TRIM34: variants seen among roughly 807,000 people sequenced by gnomAD.
The protein encoded by TRIM34 is E3 ubiquitin-protein ligase TRIM34.
A neutral mutation model predicts 38.1 loss-of-function variants in TRIM34; 41 were observed. The ratio of observed to expected loss-of-function variants is 1.08; its 90% CI spans 0.84 to 1.40. The LOEUF is 1.40. TRIM34 is among the 40% of genes most tolerant of loss of function. The pLI is 0.00. For synonymous variants in TRIM34, 200 were observed against 202.5 expected, an observed-to-expected ratio of 0.99 and a Z score of 0.10; for missense variants, 556 against 571.4, an observed-to-expected ratio of 0.97 and a Z score of 0.27.
intron 1 of TRIM34, among the ~76,000 whole-genome samples, chr11:5,632,024 C>T (rs909226452): frequency 2.0e-5 from 3 of 152,236 alleles, no homozygotes; most frequent in South Asian, 2.1e-4. Context: ...AAAGTATAAA[C>T]GAAAGTCATG....
chr11:5,636,217 C>T (rs1177867875), intron 4 of TRIM34, among the ~76,000 whole-genome samples: 1 of 152,126 alleles, frequency 6.6e-6, no homozygotes, highest in African/African-American at 2.4e-5. Context: ...ATTAATAATA[C>T]ATGCTATGAC....
intron 4 of TRIM34, among the ~76,000 whole-genome samples, chr11:5,637,171 T>TA (rs564107745): frequency 2.7e-5 from 4 of 148,930 alleles, no homozygotes; most frequent in Admixed American, 6.7e-5. Flanking sequence ...AGACTCAGTC[T>TA]AAAAAAAAAA....
upstream of TRIM34, among the ~76,000 whole-genome samples, chr11:5,622,400 A>C (rs1025457053): frequency 6.6e-6 from 1 of 151,360 alleles, no homozygotes; most frequent in Non-Finnish European, 1.5e-5. Flanking sequence ...AGCCGAGATC[A>C]CGCCACTGCA....
chr11:5,637,711 G>C (rs1416806888), intron 4 of TRIM34, among the ~76,000 whole-genome samples: 1 of 152,088 alleles, frequency 6.6e-6, no homozygotes, highest in East Asian at 1.9e-4. Flanking sequence ...ATCCCAAACT[G>C]AAACTGTACC....
chr11:5,631,196 A>G (rs1401567579), intron 1 of TRIM34, among the ~76,000 whole-genome samples: 1 of 152,146 alleles, frequency 6.6e-6, no homozygotes, highest in Non-Finnish European at 1.5e-5. Flanking sequence ...CTTCAGGCCA[A>G]GAAGAAATCC....
At position 5,627,944 on chromosome 11, in the gene TRIM34, A is replaced by G. The variant is rs541343734; in HGVS notation, c.-78+2884A>G. Reference sequence around the variant, plus strand: ...TATCATATCCAGATGTTAGGAGTCCAGATGTTAGGAGAAGACTCAAATGAA... The same window carrying G: ...TATCATATCCAGATGTTAGGAGTCCGGATGTTAGGAGAAGACTCAAATGAA... On this transcript the variant is annotated intron_variant, in intron 1 of 7. Transcript: ENST00000429814. Among the ~76,000 whole-genome samples the G allele has an allele frequency of 1.2e-3, 177 of 152,350 alleles. 3 individuals carry two copies. The South Asian group carries it at 0.035, about 30-fold the overall frequency.
chr11:5,634,837 G>A lies in TRIM34; in HGVS notation c.726G>A (p.Gln242=), dbSNP rs1849661907. Residue 242 remains glutamine (Q), a synonymous_variant, in exon 4 of 8, where the codon CAG becomes CAA. Transcript: ENST00000429814. ...TCTCAGATGTGGAGTGTCGGAGTCAGTGGTCAACAATGGAGCTGCTGCAGG... is the reference window on the plus strand; with the variant it reads ...TCTCAGATGTGGAGTGTCGGAGTCAATGGTCAACAATGGAGCTGCTGCAGG... ...ELISDVECRS[Q]WSTMELLQDM... is the part of the protein sequence containing the mutation. 1 of 1,612,946 alleles carries A rather than the reference G, an allele frequency of 6.2e-7. No homozygotes were observed. Among genetic ancestry groups the A allele is most frequent in the African/African-American group, 1.3e-5 (1 of 74,882 alleles).
rs146256757 is a variant in TRIM34 at position 5,638,947 on chromosome 11, T to C, written c.751-2220T>C. ...GTGCTTATATACATTTTAAGCTCTA[T>C]GCCTTCACGTGGGAGTGCACCTACA... On this transcript the variant is annotated intron_variant, in intron 4 of 7. Coordinates refer to ENST00000429814, the MANE Select transcript of TRIM34 (RefSeq NM_021616.6). Among the ~76,000 whole-genome samples the C allele has an allele frequency of 1.7e-3, 253 of 152,310 alleles. 3 individuals carry two copies. The highest frequency in any genetic ancestry group is 3.9e-3 in the South Asian group (19 of 4,820).
intron 5 of TRIM34, 126 bp from the exon 6 acceptor site, chr11:5,642,280 C>G: frequency 1.3e-6 from 1 of 763,256 alleles, no homozygotes; most frequent in South Asian, 2.3e-5. Context: ...TCCCTTCTCC[C>G]CCTCCTCAGG....
chr11:5,641,265 C>A, intron 5 of TRIM34, 76 bp downstream of exon 5: 1 of 1,603,528 alleles, frequency 6.2e-7, no homozygotes, highest in South Asian at 1.1e-5. Context: ...ATTTGGTGGT[C>A]AATTGGAATA....
In TRIM34 at chr11:5,643,990, C is replaced by A. The variant is rs1209399687; in HGVS notation, c.*281C>A. 3 of 506,870 alleles carry A rather than the reference C, an allele frequency of 5.9e-6. No individual in the cohort carries two copies. The highest frequency in any genetic ancestry group is 7.5e-5 in the Admixed American group (2 of 26,518). 31.4% of individuals were successfully genotyped at this position (506,870 alleles called of 1,614,324 possible). A position where few individuals can be genotyped will look rare whatever the true frequency, so the allele number is the denominator to read the frequency against. On this transcript the variant is annotated 3_prime_UTR_variant, in exon 8 of 8. Transcript: ENST00000429814. ...CATTTATCCATGTTTCACTTTATCA[C>A]TGATATGAAGAGGCCCAAAGCCTGT...
intron 4 of TRIM34, among the ~76,000 whole-genome samples, chr11:5,640,583 T>C (rs1188838125): frequency 3.9e-5 from 6 of 152,140 alleles, no homozygotes; most frequent in African/African-American, 1.2e-4. Context: ...ATAAGAGATA[T>C]TGGTCTATGG....
At position 5,643,092 on chromosome 11, in the gene TRIM34, C is replaced by T. The variant is rs1403706386; in HGVS notation, c.902-52C>T. 10 of 1,257,322 alleles carry T rather than the reference C, an allele frequency of 8.0e-6. No individual in the cohort carries two copies. The South Asian group carries it at 8.9e-5, about 11-fold the overall frequency. The allele number at this position is 1,257,322 out of a possible 1,614,324, so 77.9% of individuals were successfully genotyped here. A position where few individuals can be genotyped will look rare whatever the true frequency, so the allele number is the denominator to read the frequency against. ...ATCTGTCACCTAATCATATATATCA[C>T]ACAGATGATTATATTCATATACATA... On this transcript the variant is annotated intron_variant, in intron 7 of 7. Coordinates refer to ENST00000429814, the MANE Select transcript of TRIM34 (RefSeq NM_021616.6).
intron 1 of TRIM34, among the ~76,000 whole-genome samples, chr11:5,629,256 G>A (rs1443431423): frequency 1.3e-5 from 2 of 151,900 alleles, no homozygotes; most frequent in African/African-American, 2.4e-5. Flanking sequence ...CAGCCTGGGC[G>A]ACAGAGCGAA....
intron 1 of TRIM34, among the ~76,000 whole-genome samples, chr11:5,630,030 C>G (rs920789356): frequency 6.6e-6 from 1 of 152,054 alleles, no homozygotes; most frequent in Non-Finnish European, 1.5e-5. Context: ...TACGGTGGTA[C>G]AAGACCATGT....
chr11:5,641,089 C>T (rs7108834), intron 4 of TRIM34, 78 bp from the exon 5 acceptor site: 1,385,895 of 1,455,626 alleles, frequency 0.95, 660,596 homozygotes, highest in East Asian at 1. Context: ...CATTTTTTTT[C>T]CTACTGTTCT....
Position 5,632,287 on chromosome 11 carries a change from A to G in TRIM34, c.-45A>G. ...GGGGTCTTTAACCAGAAGAGAGAGG[A>G]GAGCCTCAGGAGTTAGGACCAGAAG... On this transcript the variant is annotated 5_prime_UTR_variant, in exon 2 of 8. Coordinates refer to ENST00000429814, the MANE Select transcript of TRIM34 (RefSeq NM_021616.6). The G allele has an allele frequency of 1.2e-6, 2 of 1,612,934 alleles. No homozygotes were observed.
chr11:5,634,717 G>A lies in TRIM34; in HGVS notation c.606G>A (p.Leu202=), dbSNP rs1449866920. ...SILNNEEQRE[L]QRLEEEEKKT... Reference sequence around the variant, plus strand: ...TAAATAATGAGGAGCAGAGAGAGCTGCAAAGATTGGAAGAAGAAGAAAAGA... The same window carrying A: ...TAAATAATGAGGAGCAGAGAGAGCTACAAAGATTGGAAGAAGAAGAAAAGA... The change falls in exon 4 of 8, where the codon CTG becomes CTA. Residue 202 remains leucine, a synonymous_variant. Transcript: ENST00000429814. 1 of 1,614,098 alleles carries A rather than the reference G, an allele frequency of 6.2e-7. No individual in the cohort carries two copies. The highest frequency in any genetic ancestry group is 1.1e-5 in the South Asian group (1 of 91,084).
At chr11:5,641,080 AT>A in intron 4 of TRIM34, 86 bp from the exon 5 acceptor site, 2 of 1,377,502 alleles carry the variant, frequency 1.5e-6, no homozygotes, top group Non-Finnish European at 1.9e-6. Context: ...TGATTTTTCC[AT>A]TTTTTTTCCT....
Sources: allele counts gnomAD v4.1 joint callset (sites outside exome capture counted in the v4.1 genomes callset), GRCh38; gene constraint gnomAD v4.1.1; transcripts MANE v1.5; gene names NCBI Gene and HGNC (gene_info 2026-07-23, HGNC 2026-07-21).